Variants in TBCK observed in about 807,000 individuals in gnomAD.
TBCK encodes the protein TBC domain-containing protein kinase-like protein.
Under a neutral mutation model 113.4 loss-of-function variants are expected in TBCK, and 99 were observed. The ratio of observed to expected loss-of-function variants is 0.87; its 90% confidence interval spans 0.74 to 1.03. The LOEUF (loss-of-function observed/expected upper bound fraction) is 1.03, where lower values mean the gene tolerates loss of function less well. TBCK is among the 50% of genes least tolerant of loss of function. TBCK has a pLI of 0.00. For synonymous variants in TBCK, 369 were observed against 370.8 expected (o/e 1.00, Z 0.05); for missense variants, 1,045 against 1,061.3 (o/e 0.98, Z 0.21).
intron 22 of TBCK, among the ~76,000 whole-genome samples, chr4:106,174,694 C>T (rs1272693962): frequency 1.3e-5 from 2 of 151,996 alleles, no homozygotes; most frequent in African/African-American, 4.8e-5. Flanking sequence ...TCTTGAACTT[C>T]CTGAATTTAA....
chr4:106,151,688 A>G (rs772207178), intron 23 of TBCK, among the ~76,000 whole-genome samples: 1 of 152,028 alleles, frequency 6.6e-6, no homozygotes, highest in Non-Finnish European at 1.5e-5. Context: ...CGTTGCATGG[A>G]CATCTTAACA....
chr4:106,073,690 C>A (rs1002410382), intron 25 of TBCK, among the ~76,000 whole-genome samples: 1 of 152,194 alleles, frequency 6.6e-6, no homozygotes, highest in Non-Finnish European at 1.5e-5. Context: ...GTTTCTGATG[C>A]CTTTTGTTCA....
intron 20 of TBCK, among the ~76,000 whole-genome samples, chr4:106,211,487 G>T (rs976664955): frequency 6.6e-6 from 1 of 151,920 alleles, no homozygotes; most frequent in African/African-American, 2.4e-5. Context: ...ACATGTAGGA[G>T]GCAGAAAACA....
chr4:106,235,409 A>T (rs1579342832), intron 14 of TBCK, 42 bp from the exon 15 acceptor site: 1 of 1,377,698 alleles, frequency 7.3e-7, no homozygotes, highest in African/African-American at 1.5e-5. Context: ...CAAATTACCT[A>T]GTGCCATCTT....
intron 23 of TBCK, among the ~76,000 whole-genome samples, chr4:106,152,623 C>T (rs1748628502): frequency 6.6e-6 from 1 of 152,040 alleles, no homozygotes; most frequent in South Asian, 2.1e-4. Context: ...AATCTTCCCT[C>T]CACTATTTTT....
intron 25 of TBCK, among the ~76,000 whole-genome samples, chr4:106,078,506 C>T (rs1428700700): frequency 6.6e-6 from 1 of 152,084 alleles, no homozygotes; most frequent in Non-Finnish European, 1.5e-5. Flanking sequence ...TTATGAACAC[C>T]TCTATGCACA....
At chr4:106,050,884 G>C (rs1178933114) in intron 25 of TBCK, among the ~76,000 whole-genome samples, 1 of 151,898 alleles carries the variant, frequency 6.6e-6, no homozygotes, top group African/African-American at 2.4e-5. Context: ...CAGTTCCTCT[G>C]GTTTTTAGGA....
chr4:106,204,790 G>A (rs928716777), intron 20 of TBCK, among the ~76,000 whole-genome samples: 2 of 116,716 alleles, frequency 1.7e-5, no homozygotes, highest in Admixed American at 1.1e-4. Flanking sequence ...ACGGAGTCTC[G>A]CTCTGTCGCC....
intron 8 of TBCK, 48 bp from the exon 9 acceptor site, chr4:106,248,354 A>ATT: frequency 7.9e-7 from 1 of 1,265,192 alleles, no homozygotes; most frequent in Non-Finnish European, 1.1e-6. Context: ...TCAATTTTAG[A>ATT]AATATACTTT....
chr4:106,246,392 A>G (rs1760816106), intron 10 of TBCK, among the ~76,000 whole-genome samples: 1 of 152,190 alleles, frequency 6.6e-6, no homozygotes, highest in Non-Finnish European at 1.5e-5. Flanking sequence ...TAAACCTTAC[A>G]TTCCAAGAGT....
intron 1 of TBCK, among the ~76,000 whole-genome samples, chr4:106,309,656 C>T (rs1767971418): frequency 6.6e-6 from 1 of 152,058 alleles, no homozygotes; most frequent in African/African-American, 2.4e-5. Context: ...CACTGACAAC[C>T]TTCCTTCTCA....
At position 106,042,071 on chromosome 4, in the gene TBCK, T is replaced by C. The variant is rs529865796; in HGVS notation, c.*4499A>G. 98 of 152,338 alleles carry C rather than the reference T, an allele frequency of 6.4e-4. No individual in the cohort carries two copies. Among genetic ancestry groups the C allele is most frequent in the African/African-American group, 2.3e-3 (94 of 41,582 alleles). 9.4% of individuals were successfully genotyped at this position (152,338 alleles called of 1,614,324 possible). On this transcript the variant is annotated 3_prime_UTR_variant, in exon 26 of 26. Coordinates refer to ENST00000394708, the MANE Select transcript of TBCK (RefSeq NM_001163435.3). Reference sequence around the variant, plus strand: ...AACTCTTCACCATTAGTTTTCCACATAAAATTGAAGTTGGTAGCTGTGAAG... The same window carrying C: ...AACTCTTCACCATTAGTTTTCCACACAAAATTGAAGTTGGTAGCTGTGAAG...
At chr4:106,176,263 A>G (rs1751659399) in intron 22 of TBCK, among the ~76,000 whole-genome samples, 1 of 152,074 alleles carries the variant, frequency 6.6e-6, no homozygotes, top group Non-Finnish European at 1.5e-5. Flanking sequence ...TGAACAACAG[A>G]GCTTATTCCT....
chr4:106,074,558 C>T (rs1030012274), intron 25 of TBCK, among the ~76,000 whole-genome samples: 4 of 152,134 alleles, frequency 2.6e-5, no homozygotes, highest in Admixed American at 6.5e-5. Context: ...CAAATTAACA[C>T]AGCTGGTAAG....
At chr4:106,233,328 C>G (rs1759081108) in intron 16 of TBCK, among the ~76,000 whole-genome samples, 1 of 151,862 alleles carries the variant, frequency 6.6e-6, no homozygotes, top group Non-Finnish European at 1.5e-5. Context: ...AAATATTTTC[C>G]TTTATAATCT....
At position 106,164,913 on chromosome 4, in the gene TBCK, C is replaced by A. The variant is rs963126131; in HGVS notation, c.2235+6182G>T. On this transcript the variant is annotated intron_variant, in intron 23 of 25. Coordinates refer to ENST00000394708, the MANE Select transcript of TBCK (RefSeq NM_001163435.3). ...CTATACTGAAAGCATACCTTATAAA[C>A]TGAAGGTAATGCAATAAATGCTATC... Among the ~76,000 whole-genome samples the A allele has an allele frequency of 4.0e-5, 6 of 151,532 alleles. 1 individual carries two copies. The highest frequency in any genetic ancestry group is 9.7e-5 in the African/African-American group (4 of 41,342).
At chr4:106,149,017 T>C (rs1210640782) in intron 23 of TBCK, among the ~76,000 whole-genome samples, 2 of 152,266 alleles carry the variant, frequency 1.3e-5, no homozygotes, top group East Asian at 1.9e-4. Flanking sequence ...CCCTGTACTT[T>C]TACGTTTTGA....
At chr4:106,226,650 A>G (rs770874460) in intron 19 of TBCK, among the ~76,000 whole-genome samples, 23 of 152,194 alleles carry the variant, frequency 1.5e-4, no homozygotes, top group Non-Finnish European at 1.8e-4. Context: ...TTTATACGGC[A>G]CAAATACTAA....
chr4:106,154,626 C>G (rs767689580), intron 23 of TBCK, among the ~76,000 whole-genome samples: 1 of 152,086 alleles, frequency 6.6e-6, no homozygotes, highest in East Asian at 1.9e-4. Flanking sequence ...GCATCTCCCC[C>G]CTCTCTTATT....
Sources: gnomAD v4.1 joint callset for allele counts (sites outside exome capture counted in the v4.1 genomes callset) on GRCh38, gnomAD v4.1.1 for gene constraint, MANE v1.5 for transcripts, NCBI Gene and HGNC (gene_info 2026-07-23, HGNC 2026-07-21) for gene names.